The following CADM2 variants were observed in gnomAD, a reference collection of about 807,000 sequenced individuals.
CADM2 encodes the protein immunoglobulin superfamily member 4D.
CADM2 carries 12 observed loss-of-function variants against 49.8 expected under a neutral mutation model. The observed-to-expected ratio is 0.24, with a 90% CI of 0.15 to 0.39. The LOEUF is 0.39. Among genes scored for constraint, CADM2 ranks in the 10% least tolerant of loss-of-function variants. The pLI, the probability that CADM2 is intolerant of heterozygous loss-of-function variation, is 1.00. For missense variants in CADM2, 378 were observed against 492.3 expected (o/e 0.77, Z 2.20); for synonymous variants, 214 against 175.4 (o/e 1.22, Z -1.74).
chr3:85,289,840 G>C (rs2043732471), intron 1 of CADM2, among the ~76,000 whole-genome samples: 1 of 152,134 alleles, frequency 6.6e-6, no homozygotes, highest in African/African-American at 2.4e-5. Flanking sequence ...AATTATGTTA[G>C]ATAGTTACTA....
chr3:85,694,617 T>C (rs1337729392), intron 1 of CADM2, among the ~76,000 whole-genome samples: 1 of 152,234 alleles, frequency 6.6e-6, no homozygotes, highest in Non-Finnish European at 1.5e-5. Flanking sequence ...AAATGCAATT[T>C]ATAAATATTT....
intron 3 of CADM2, among the ~76,000 whole-genome samples, chr3:85,809,896 A>G (rs1036669710): frequency 1.3e-5 from 2 of 151,050 alleles, no homozygotes; most frequent in African/African-American, 4.9e-5. Flanking sequence ...TCATATTTAA[A>G]CCCTACCACA....
At chr3:85,593,086 A>G (rs1176646061) in intron 1 of CADM2, among the ~76,000 whole-genome samples, 2 of 151,736 alleles carry the variant, frequency 1.3e-5, no homozygotes, top group Non-Finnish European at 2.9e-5. Context: ...TCCCTATTTT[A>G]TTTGAACATG....
intron 8 of CADM2, among the ~76,000 whole-genome samples, chr3:86,025,628 G>T (rs1011827485): frequency 6.6e-6 from 1 of 152,130 alleles, no homozygotes. Flanking sequence ...GTGGCGTATA[G>T]TGAGATAAGC....
intron 1 of CADM2, among the ~76,000 whole-genome samples, chr3:85,232,370 T>C (rs1235220687): frequency 6.6e-6 from 1 of 152,040 alleles, no homozygotes; most frequent in African/African-American, 2.4e-5. Context: ...CATACAAATA[T>C]ACATACCTCT....
chr3:85,609,297 C>A (rs2063616937), intron 1 of CADM2, among the ~76,000 whole-genome samples: 1 of 152,000 alleles, frequency 6.6e-6, no homozygotes, highest in Non-Finnish European at 1.5e-5. Flanking sequence ...AAAAAATATT[C>A]CTGGACCTAT....
At chr3:85,313,404 A>G (rs890701185) in intron 1 of CADM2, among the ~76,000 whole-genome samples, 2 of 152,212 alleles carry the variant, frequency 1.3e-5, no homozygotes, top group Admixed American at 6.5e-5. Context: ...CCACCAGTAG[A>G]TATTTCCAGA....
intron 1 of CADM2, among the ~76,000 whole-genome samples, chr3:85,532,127 A>G (rs893920499): frequency 6.6e-6 from 1 of 152,186 alleles, no homozygotes; most frequent in Non-Finnish European, 1.5e-5. Flanking sequence ...CAGTGAGCCG[A>G]GATCCCGCCA....
At chr3:85,636,443 CA>C (rs572392936) in intron 1 of CADM2, among the ~76,000 whole-genome samples, 1 of 151,972 alleles carries the variant, frequency 6.6e-6, no homozygotes, top group African/African-American at 2.4e-5. Flanking sequence ...TGTGTTATTA[CA>C]AAAGAGTCCA....
chr3:85,085,754 A>G (rs1411143128), intron 1 of CADM2, among the ~76,000 whole-genome samples: 2 of 152,178 alleles, frequency 1.3e-5, no homozygotes, highest in Non-Finnish European at 2.9e-5. Flanking sequence ...CAAAGGCAAT[A>G]TATATAACGA....
intron 1 of CADM2, among the ~76,000 whole-genome samples, chr3:85,117,721 A>C (rs549495248): frequency 5.3e-5 from 8 of 152,186 alleles, no homozygotes; most frequent in Non-Finnish European, 1.2e-4. Flanking sequence ...GGACTTCAGT[A>C]GTTCACTTAC....
intron 8 of CADM2, among the ~76,000 whole-genome samples, chr3:86,043,323 A>G (rs1216817440): frequency 6.6e-6 from 1 of 152,240 alleles, no homozygotes; most frequent in African/African-American, 2.4e-5. Context: ...TTGTATATCT[A>G]GAAAACCCCA....
intron 1 of CADM2, among the ~76,000 whole-genome samples, chr3:85,377,775 A>G (rs758740262): frequency 6.6e-6 from 1 of 152,104 alleles, no homozygotes; most frequent in African/African-American, 2.4e-5. Context: ...AAGCAAGACA[A>G]TTACAATGAG....
chr3:85,230,829 C>T (rs758696108), intron 1 of CADM2, among the ~76,000 whole-genome samples: 1 of 151,960 alleles, frequency 6.6e-6, no homozygotes, highest in African/African-American at 2.4e-5. Context: ...TCCTTTTGAA[C>T]CTTCTCATTA....
At chr3:86,013,924 G>C (rs1731865964) in intron 8 of CADM2, 1 of 1,587,892 alleles carries the variant, frequency 6.3e-7, no homozygotes, top group Admixed American at 1.7e-5. Flanking sequence ...TGAACTTCCT[G>C]TGCCTTAAAT....
At chr3:85,150,180 G>A (rs1375544513) in intron 1 of CADM2, among the ~76,000 whole-genome samples, 1 of 152,156 alleles carries the variant, frequency 6.6e-6, no homozygotes, top group East Asian at 1.9e-4. Flanking sequence ...TTCAGAAGCT[G>A]AAAGGTTTTA....
chr3:85,603,001 C>A (rs982479625), intron 1 of CADM2, among the ~76,000 whole-genome samples: 2 of 151,742 alleles, frequency 1.3e-5, no homozygotes, highest in African/African-American at 2.4e-5. Context: ...GTTAAGCAAA[C>A]CCCCTATGTA....
intron 1 of CADM2, among the ~76,000 whole-genome samples, chr3:85,371,771 G>T (rs1052639813): frequency 2.7e-4 from 39 of 143,786 alleles, no homozygotes; most frequent in African/African-American, 1.0e-3. Context: ...GTATTTACAG[G>T]ATGCCAAATC....
chr3:85,073,071 G>C (rs1442172471), intron 1 of CADM2, among the ~76,000 whole-genome samples: 1 of 152,052 alleles, frequency 6.6e-6, no homozygotes, highest in Non-Finnish European at 1.5e-5. Context: ...CTAGTGTAGA[G>C]AACATTTAAA....
Sources: allele counts gnomAD v4.1 joint callset (sites outside exome capture counted in the v4.1 genomes callset), GRCh38; gene constraint gnomAD v4.1.1; transcripts MANE v1.5; gene names NCBI Gene and HGNC (gene_info 2026-07-23, HGNC 2026-07-21).